CDH13: variants seen among roughly 807,000 people sequenced by gnomAD.
CDH13 encodes cadherin 13.
In CDH13, 24 loss-of-function variants were observed where a neutral mutation model predicts 63.8. That is an observed-to-expected ratio of 0.38 (90% CI 0.27 to 0.53). The LOEUF is 0.53. Among genes scored for constraint, CDH13 ranks in the 20% least tolerant of loss-of-function variants. The pLI is 0.85. For synonymous variants in CDH13, 503 were observed against 355.3 expected (o/e 1.42, Z -4.67); for missense variants, 1,049 against 903.1 (o/e 1.16, Z -2.07).
At chr16:82,774,917 T>C (rs909875811) in intron 1 of CDH13, among the ~76,000 whole-genome samples, 1 of 152,198 alleles carries the variant, frequency 6.6e-6, no homozygotes, top group East Asian at 1.9e-4. Flanking sequence ...GGAATAAAAA[T>C]GCTGGAGAAT....
chr16:83,779,192 G>A (rs1303770455), intron 11 of CDH13, among the ~76,000 whole-genome samples: 1 of 151,810 alleles, frequency 6.6e-6, no homozygotes, highest in African/African-American at 2.4e-5. Flanking sequence ...GGATCACGAG[G>A]TCAGGAGTTT....
At chr16:83,014,986 A>G (rs960017195) in intron 2 of CDH13, among the ~76,000 whole-genome samples, 35 of 150,522 alleles carry the variant, frequency 2.3e-4, no homozygotes, top group African/African-American at 4.6e-4. Context: ...TAATGAGAGC[A>G]GATAGATCCA....
At chr16:82,966,955 T>G (rs983126934) in intron 2 of CDH13, among the ~76,000 whole-genome samples, 1 of 152,230 alleles carries the variant, frequency 6.6e-6, no homozygotes, top group African/African-American at 2.4e-5. Context: ...GTTTTTTTAT[T>G]GCAAAAGAAA....
intron 3 of CDH13, among the ~76,000 whole-genome samples, chr16:83,057,759 A>G (rs958131151): frequency 2.6e-4 from 40 of 152,184 alleles, no homozygotes; most frequent in Admixed American, 2.2e-3. Context: ...CGTCTAAGAT[A>G]AGATCACCTC....
intron 2 of CDH13, chr16:82,884,086 A>C (rs1234394587): frequency 1.4e-5 from 6 of 435,212 alleles, no homozygotes; most frequent in Non-Finnish European, 2.8e-5. Flanking sequence ...TGCCATGTAG[A>C]TGTTCATTAG....
intron 4 of CDH13, among the ~76,000 whole-genome samples, chr16:83,128,290 T>G (rs760751895): frequency 7.2e-5 from 11 of 152,318 alleles, no homozygotes; most frequent in Admixed American, 3.9e-4. Context: ...CCAAGAGTGG[T>G]TGTGGACCAG....
rs577567862 is a variant in CDH13, at chr16:83,359,689, AAC to A, written c.781+14685_781+14686del. Among the ~76,000 whole-genome samples, 13 of 152,340 alleles carry A rather than the reference AAC, an allele frequency of 8.5e-5. No individual in the cohort carries two copies. In the South Asian group the frequency reaches 1.2e-3, roughly 15 times the overall value. ...AATTTTATTTGTGCACAGAATTAGA[AAC>A]AGTGTGCTCTCCAAATTTTAAATAT... On this transcript the variant is annotated intron_variant, in intron 6 of 13. Coordinates refer to ENST00000567109, the MANE Select transcript of CDH13 (RefSeq NM_001257.5).
At chr16:83,097,631 G>A (rs955764707) in intron 3 of CDH13, among the ~76,000 whole-genome samples, 2 of 152,176 alleles carry the variant, frequency 1.3e-5, no homozygotes, top group Non-Finnish European at 2.9e-5. Flanking sequence ...GCCAAGGAAG[G>A]CATCTGTGAA....
intron 1 of CDH13, among the ~76,000 whole-genome samples, chr16:82,804,443 CAT>C (rs749164603): frequency 3.4e-4 from 51 of 152,214 alleles, no homozygotes; most frequent in Middle Eastern, 6.8e-3. Flanking sequence ...ATACATTTAA[CAT>C]GTGCAGTTTT....
At chr16:82,887,166 G>C (rs571154857) in intron 2 of CDH13, among the ~76,000 whole-genome samples, 25 of 152,226 alleles carry the variant, frequency 1.6e-4, no homozygotes, top group Admixed American at 3.3e-4. Context: ...CTTCACCAAT[G>C]GTCTAGGACA....
chr16:83,779,437 A>AAAAAAAAAAAT (rs1915360721), intron 11 of CDH13, among the ~76,000 whole-genome samples: 2 of 147,082 alleles, frequency 1.4e-5, no homozygotes, highest in Non-Finnish European at 3.0e-5. Context: ...AAAAAAAAAA[A>AAAAAAAAAAAT]AGTCTTATAT....
chr16:83,632,269 C>T (rs1240625862), intron 8 of CDH13, among the ~76,000 whole-genome samples: 2 of 20,654 alleles, frequency 9.7e-5, no homozygotes, highest in Non-Finnish European at 2.4e-4. Context: ...ACTGTAGAGA[C>T]GTGTCCTACA....
chr16:83,211,616 T>C (rs920091624), intron 4 of CDH13, among the ~76,000 whole-genome samples: 2 of 152,158 alleles, frequency 1.3e-5, no homozygotes, highest in South Asian at 4.1e-4. Context: ...GCTTTGTCCA[T>C]ATTGTGTCAC....
At chr16:83,739,368 C>T (rs896711934) in intron 10 of CDH13, among the ~76,000 whole-genome samples, 3 of 152,212 alleles carry the variant, frequency 2.0e-5, no homozygotes, top group African/African-American at 7.2e-5. Flanking sequence ...TGTGACCCCA[C>T]TGGGAGCAGA....
At chr16:83,430,731 G>C (rs189786589) in intron 6 of CDH13, among the ~76,000 whole-genome samples, 1 of 152,190 alleles carries the variant, frequency 6.6e-6, no homozygotes, top group Admixed American at 6.5e-5. Flanking sequence ...TCACCCAGTA[G>C]TCCTGTCTCT....
At chr16:83,685,594 C>T (rs34930470) in intron 10 of CDH13, among the ~76,000 whole-genome samples, 9,971 of 152,134 alleles carry the variant, frequency 0.066, 470 homozygotes, top group Non-Finnish European at 0.1. Flanking sequence ...GGGAGCTTAT[C>T]GTCATAAGAG....
At chr16:83,216,461 G>A (rs1316738888) in intron 4 of CDH13, among the ~76,000 whole-genome samples, 8 of 55,334 alleles carry the variant, frequency 1.4e-4, no homozygotes, top group Admixed American at 7.4e-4. Flanking sequence ...CCTAATTTGA[G>A]GTTTATATAT....
At chr16:83,595,289 A>G (rs528554206) in intron 7 of CDH13, among the ~76,000 whole-genome samples, 39 of 152,338 alleles carry the variant, frequency 2.6e-4, no homozygotes, top group Admixed American at 1.5e-3. Context: ...GACCTTTGAG[A>G]CATAATTTAG....
At chr16:83,032,399 A>T (rs921997662) in intron 3 of CDH13, 181 bp downstream of exon 3, 6 of 588,958 alleles carry the variant, frequency 1.0e-5, no homozygotes, top group Middle Eastern at 4.4e-4. Context: ...TAATTGATTC[A>T]TGTAACTAAT....
Sources: gnomAD v4.1 joint callset for allele counts (sites outside exome capture counted in the v4.1 genomes callset) on GRCh38, gnomAD v4.1.1 for gene constraint, MANE v1.5 for transcripts, NCBI Gene and HGNC (gene_info 2026-07-23, HGNC 2026-07-21) for gene names.